Variants in TTC21A observed in about 807,000 individuals in gnomAD.
TTC21A encodes the protein tetratricopeptide repeat domain 21A.
TTC21A carries 128 observed loss-of-function variants against 156.4 expected under a neutral mutation model. That is an observed-to-expected ratio of 0.82 (90% confidence interval 0.71 to 0.95). The LOEUF (loss-of-function observed/expected upper bound fraction) is 0.95, where lower values mean the gene tolerates loss of function less well. Among genes scored for constraint, TTC21A ranks in the 40% least tolerant of loss-of-function variants. The pLI, the probability that TTC21A is intolerant of heterozygous loss-of-function variation, is 0.00. For synonymous variants in TTC21A, 587 were observed against 617.1 expected, an observed-to-expected ratio of 0.95 and a Z score of 0.72; for missense variants, 1,435 against 1,602.3, an observed-to-expected ratio of 0.90 and a Z score of 1.78.
intron 2 of TTC21A, 91 bp downstream of exon 2, chr3:39,109,305 T>G: frequency 7.0e-7 from 1 of 1,426,156 alleles, no homozygotes; most frequent in Non-Finnish European, 9.7e-7. Flanking sequence ...TGTATCCTAG[T>G]TATGGTCCCA....
chr3:39,128,189 T>C (rs1456124826), intron 12 of TTC21A, 142 bp from the exon 13 acceptor site: 6 of 948,622 alleles, frequency 6.3e-6, no homozygotes, highest in Non-Finnish European at 9.6e-6. Context: ...GACCCCTGAG[T>C]GAAGCAGAAC....
chr3:39,109,272 C>G, intron 2 of TTC21A, 58 bp downstream of exon 2: 1 of 1,562,106 alleles, frequency 6.4e-7, no homozygotes, highest in Non-Finnish European at 8.8e-7. Context: ...CCCTAACACT[C>G]TGGCTCCACC....
Position 39,138,788 on chromosome 3 carries a change from G to T in TTC21A, c.3942G>T (p.Ter1314TyrextTer9). The T allele has an allele frequency of 4.3e-6, 7 of 1,613,848 alleles. No homozygotes were observed. Among genetic ancestry groups the T allele is most frequent in the Non-Finnish European group, 5.9e-6 (7 of 1,179,762 alleles). ...LEKARRSLRP[*>Y] The stretch of plus-strand genomic sequence containing the variant: ...AGGCCCGAAGGTCCCTGAGGCCCTA[G>T]CTGGGGTCAAGGGGCCTGGACCAGT... The change falls in exon 29 of 29, where the codon TAG (stop) becomes TAT (tyrosine). Residue 1314 changes from the stop codon to tyrosine, a stop_lost. Transcript: ENST00000683103.
At position 39,134,343 on chromosome 3, in the gene TTC21A, G is replaced by A. The variant is rs2038952364; in HGVS notation, c.2862+15G>A. On this transcript the variant is annotated intron_variant, in intron 21 of 28. Coordinates refer to ENST00000683103, the MANE Select transcript of TTC21A (RefSeq NM_001366900.1). This position sits in a 1 kb window ranked among gnomAD's most constrained non-coding sequence, Gnocchi z 4.6. Reference sequence around the variant, plus strand: ...CCGCTTCTGTGGTAGGAAGCCCCCAGCACCCACTCCCTCCCCTCCCTTCCT... The same window carrying A: ...CCGCTTCTGTGGTAGGAAGCCCCCAACACCCACTCCCTCCCCTCCCTTCCT... 1.3e-6 allele frequency: 2 copies of A among 1,561,056 alleles called. No individual in the cohort carries two copies. Among genetic ancestry groups the A allele is most frequent in the Admixed American group, 3.3e-5 (2 of 59,914 alleles).
chr3:39,131,768 A>G (rs2038747496), intron 19 of TTC21A: 1 of 152,244 alleles, frequency 6.6e-6, no homozygotes, highest in Non-Finnish European at 1.5e-5. Flanking sequence ...ATCCTCTTCT[A>G]ATGAAGCCAC....
chr3:39,114,424 C>T (rs1040826861), intron 5 of TTC21A, among the ~76,000 whole-genome samples, 161 bp from the exon 6 acceptor site: 4 of 152,276 alleles, frequency 2.6e-5, no homozygotes, highest in African/African-American at 7.2e-5. Flanking sequence ...CTCCTTCTCC[C>T]GGGAACTTTG....
intron 4 of TTC21A, among the ~76,000 whole-genome samples, chr3:39,112,068 C>T (rs1367819467): frequency 1.3e-5 from 2 of 152,310 alleles, no homozygotes; most frequent in Middle Eastern, 3.4e-3. Flanking sequence ...AGTGGCCTTG[C>T]GTAGGCCCCC....
chr3:39,125,542 A>T lies in TTC21A; in HGVS notation c.1392+10A>T. On this transcript the variant is annotated intron_variant, in intron 11 of 28. Transcript: ENST00000683103. ...CTTCTGCCCCAAGCAGGTTAGGGGA[A>T]GGCCTGTCTTCATGGTGGGGGTCTG... 1 of 1,597,782 alleles carries T rather than the reference A, an allele frequency of 6.3e-7. No individual in the cohort carries two copies. Among genetic ancestry groups the T allele is most frequent in the African/African-American group, 1.3e-5 (1 of 74,688 alleles).
At chr3:39,131,518 C>T (rs529756126) in intron 19 of TTC21A, 1 of 158,122 alleles carries the variant, frequency 6.3e-6, no homozygotes, top group Admixed American at 6.3e-5. Flanking sequence ...GAGAAATGTG[C>T]CCAAAGTTGG....
intron 15 of TTC21A, 36 bp downstream of exon 15, chr3:39,129,346 TC>T (rs772949585): frequency 6.8e-7 from 1 of 1,469,172 alleles, no homozygotes; most frequent in South Asian, 1.1e-5. Context: ...CAGCTTCTTC[TC>T]CAATGGTATC....
chr3:39,113,535 T>C (rs2037007938), intron 5 of TTC21A, among the ~76,000 whole-genome samples: 1 of 152,114 alleles, frequency 6.6e-6, no homozygotes. Context: ...CAACCATGGG[T>C]GATCCCTGGA....
chr3:39,131,168 G>T, intron 19 of TTC21A, 73 bp downstream of exon 19: 1 of 1,313,586 alleles, frequency 7.6e-7, no homozygotes, highest in Non-Finnish European at 1.1e-6. Flanking sequence ...GAAGGAGAGA[G>T]CTCCAGGTCT....
At chr3:39,136,072 A>T in intron 22 of TTC21A, 2 of 198,164 alleles carry the variant, frequency 1.0e-5, no homozygotes, top group Middle Eastern at 1.9e-3. Flanking sequence ...AAAAAAAAAA[A>T]GATTAGGTAC....
chr3:39,109,884 A>G, intron 2 of TTC21A, 145 bp from the exon 3 acceptor site: 7 of 619,820 alleles, frequency 1.1e-5, no homozygotes, highest in Non-Finnish European at 1.7e-5. Context: ...AAAGAGCCCC[A>G]ATCTTCAGGG....
intron 8 of TTC21A, 144 bp downstream of exon 8, chr3:39,120,164 T>G (rs1185584196): frequency 8.2e-6 from 5 of 612,894 alleles, no homozygotes; most frequent in Non-Finnish European, 1.5e-5. Flanking sequence ...GCTCATATCC[T>G]GCTGTGCCTA....
chr3:39,116,332 T>C (rs1284329039), intron 6 of TTC21A, among the ~76,000 whole-genome samples: 1 of 152,218 alleles, frequency 6.6e-6, no homozygotes, highest in Non-Finnish European at 1.5e-5. Flanking sequence ...TTCATTAATA[T>C]TAAAAGTTTG....
intron 7 of TTC21A, chr3:39,119,547 G>T (rs2037567490): frequency 1.9e-5 from 3 of 158,156 alleles, no homozygotes; most frequent in African/African-American, 7.3e-5. Context: ...GGCTCTGCCT[G>T]GGTGGGTCTG....
intron 7 of TTC21A, 24 bp downstream of exon 7, chr3:39,118,177 G>T (rs988114378): frequency 4.1e-5 from 66 of 1,611,452 alleles, no homozygotes; most frequent in Non-Finnish European, 5.5e-5. Context: ...AGACTCAGAA[G>T]GTGATCCTTG....
intron 13 of TTC21A, 52 bp downstream of exon 13, chr3:39,128,540 C>T: frequency 6.2e-7 from 1 of 1,610,100 alleles, no homozygotes; most frequent in Non-Finnish European, 8.5e-7. Context: ...AGCTGTGGCC[C>T]CTGTTTGCCT....
Sources: allele counts gnomAD v4.1 joint callset (sites outside exome capture counted in the v4.1 genomes callset), GRCh38; gene constraint gnomAD v4.1.1; non-coding constraint Gnocchi (gnomAD v3.1); transcripts MANE v1.5; gene names NCBI Gene and HGNC (gene_info 2026-07-23, HGNC 2026-07-21).